TRPM3: variants seen among roughly 807,000 people sequenced by gnomAD.
TRPM3 encodes long transient receptor potential channel 3.
A neutral mutation model predicts 181.2 loss-of-function variants in TRPM3; 77 were observed. The ratio of observed to expected loss-of-function variants is 0.42; its 90% CI spans 0.35 to 0.51. TRPM3 has a LOEUF of 0.51. Among genes scored for constraint, TRPM3 ranks in the 20% least tolerant of loss-of-function variants. The probability of loss-of-function intolerance (pLI) is 0.01; values close to 1 mark genes in which losing one functional copy is unlikely to be tolerated. For missense variants in TRPM3, 1,759 were observed against 2,196.7 expected, an observed-to-expected ratio of 0.80 and a Z score of 3.98; for synonymous variants, 745 against 796.4, an observed-to-expected ratio of 0.94 and a Z score of 1.09.
At chr9:71,044,968 G>C (rs967428673) in intron 1 of TRPM3, among the ~76,000 whole-genome samples, 1 of 152,092 alleles carries the variant, frequency 6.6e-6, no homozygotes, top group Non-Finnish European at 1.5e-5. Context: ...ACAGCGCCCG[G>C]CCATTTCCAG....
intron 1 of TRPM3, among the ~76,000 whole-genome samples, chr9:71,011,822 T>C (rs940551117): frequency 1.3e-5 from 2 of 149,806 alleles, no homozygotes; most frequent in African/African-American, 4.9e-5. Context: ...GTTCCTGTTA[T>C]GCAGACTAGA....
At chr9:70,695,532 T>G (rs2070096504) in intron 8 of TRPM3, among the ~76,000 whole-genome samples, 1 of 152,356 alleles carries the variant, frequency 6.6e-6, no homozygotes, top group Non-Finnish European at 1.5e-5. Flanking sequence ...TATCTGTTCC[T>G]TGTGCTCTGA....
chr9:70,905,528 A>T (rs1405341124), intron 1 of TRPM3, among the ~76,000 whole-genome samples: 1 of 152,210 alleles, frequency 6.6e-6, no homozygotes, highest in Non-Finnish European at 1.5e-5. Flanking sequence ...ATTTTTTCAA[A>T]ATAAAATATA....
At chr9:71,432,507 T>C (rs1476728379) in intron 1 of TRPM3, among the ~76,000 whole-genome samples, 1 of 92,884 alleles carries the variant, frequency 1.1e-5, no homozygotes, top group African/African-American at 2.5e-5. Flanking sequence ...ATGAGCTCTT[T>C]TTGTAGCTGT....
At chr9:70,544,030 G>T (rs1176666216) in intron 25 of TRPM3, among the ~76,000 whole-genome samples, 2 of 152,194 alleles carry the variant, frequency 1.3e-5, no homozygotes, top group African/African-American at 4.8e-5. Context: ...AAACAGCCCT[G>T]TGTGGGCAGA....
chr9:70,569,776 C>A (rs2051692763), intron 22 of TRPM3, among the ~76,000 whole-genome samples: 1 of 152,110 alleles, frequency 6.6e-6, no homozygotes, highest in Non-Finnish European at 1.5e-5. Context: ...GTTTACAGGG[C>A]CAGCTGGGTA....
At chr9:71,187,910 G>C (rs542504300) in intron 1 of TRPM3, among the ~76,000 whole-genome samples, 501 of 111,868 alleles carry the variant, frequency 4.5e-3, no homozygotes, top group African/African-American at 0.015. Flanking sequence ...TAGATAGATA[G>C]ATAGATAGAT....
chr9:70,964,671 T>A (rs753480169), intron 1 of TRPM3, among the ~76,000 whole-genome samples: 3 of 152,110 alleles, frequency 2.0e-5, no homozygotes, highest in Admixed American at 6.6e-5. Flanking sequence ...TAGGTGTGAC[T>A]CCTGTCCTTG....
chr9:71,284,078 G>A (rs2085077312), intron 1 of TRPM3, among the ~76,000 whole-genome samples: 1 of 151,646 alleles, frequency 6.6e-6, no homozygotes, highest in South Asian at 2.1e-4. Context: ...AACCTTTGTG[G>A]TCCTTAGTGT....
At chr9:70,859,804 G>A (rs984218790) in intron 3 of TRPM3, among the ~76,000 whole-genome samples, 1 of 152,160 alleles carries the variant, frequency 6.6e-6, no homozygotes, top group Non-Finnish European at 1.5e-5. Context: ...CTGTTCAATT[G>A]TTGAGGTGTA....
chr9:70,548,647 T>G (rs1361307715), intron 25 of TRPM3, among the ~76,000 whole-genome samples: 1 of 152,198 alleles, frequency 6.6e-6, no homozygotes, highest in African/African-American at 2.4e-5. Flanking sequence ...TGCTTAAAAT[T>G]TAAAGTTACA....
intron 21 of TRPM3, 43 bp from the exon 22 acceptor site, chr9:70,591,248 A>G (rs1344317239): frequency 6.5e-7 from 1 of 1,550,216 alleles, no homozygotes; most frequent in East Asian, 2.2e-5. Flanking sequence ...GAGAAAACCC[A>G]TATGATTGAG....
intron 1 of TRPM3, among the ~76,000 whole-genome samples, chr9:71,160,676 G>A (rs566877739): frequency 6.6e-6 from 1 of 152,262 alleles, no homozygotes; most frequent in East Asian, 1.9e-4. Context: ...CACTGGGTAG[G>A]ATCAAATCTT....
intron 1 of TRPM3, among the ~76,000 whole-genome samples, chr9:70,966,206 C>G (rs1394453568): frequency 6.6e-6 from 1 of 151,968 alleles, no homozygotes; most frequent in Non-Finnish European, 1.5e-5. Context: ...CCATCTCACA[C>G]CAGTCAGAAT....
In TRPM3 at chr9:70,536,879, T is replaced by C. The variant is rs140179107; in HGVS notation, c.4234A>G (p.Ile1412Val). The C allele has an allele frequency of 8.1e-6, 13 of 1,614,080 alleles. No homozygotes were observed. The African/African-American group carries it at 1.3e-4, about 17-fold the overall frequency. The change falls in exon 26 of 26, where the codon ATA becomes GTA. Residue 1412 changes from isoleucine (I) to valine (V), a missense_variant. By Grantham distance (29) the Ile-to-Val change is conservative. This residue lies in a region of TRPM3 where 612 missense variants were observed against 590.0 expected (regional missense o/e 1.04). Coordinates refer to ENST00000677713, the MANE Select transcript of TRPM3 (RefSeq NM_001366145.2). ...VPDSRRPSSC[I>V]DIYVSAMDEL... ...TCCATAGCAGAGACATAGATGTCTA[T>C]ACACGATGATGGTCTTCTGGAATCA...
chr9:71,367,547 A>T (rs911752919), intron 1 of TRPM3, among the ~76,000 whole-genome samples: 9 of 152,194 alleles, frequency 5.9e-5, no homozygotes, highest in Non-Finnish European at 1.5e-5. Flanking sequence ...AGAATATTAC[A>T]TGAGGACAAA....
At chr9:70,997,188 A>T (rs889184852) in intron 1 of TRPM3, among the ~76,000 whole-genome samples, 1 of 152,004 alleles carries the variant, frequency 6.6e-6, no homozygotes, top group African/African-American at 2.4e-5. Flanking sequence ...TTTTATACTT[A>T]CTATCTTAAT....
chr9:71,116,382 T>G (rs2072385995), intron 1 of TRPM3, among the ~76,000 whole-genome samples: 1 of 152,198 alleles, frequency 6.6e-6, no homozygotes. Context: ...ACATCATAAA[T>G]TTAAAACACA....
chr9:70,556,127 A>G (rs985219172), intron 22 of TRPM3, among the ~76,000 whole-genome samples: 1 of 152,110 alleles, frequency 6.6e-6, no homozygotes, highest in African/African-American at 2.4e-5. Flanking sequence ...GTGCATTTCC[A>G]TGGACTTTCA....
Sources: allele counts gnomAD v4.1 joint callset (sites outside exome capture counted in the v4.1 genomes callset), GRCh38; gene constraint gnomAD v4.1.1; regional missense constraint gnomAD v4.1.1; transcripts MANE v1.5; gene names NCBI Gene and HGNC (gene_info 2026-07-23, HGNC 2026-07-21).